The following VPS26B variants were observed in gnomAD, a reference collection of about 807,000 sequenced individuals.
VPS26B encodes the protein VPS26 retromer complex component B.
Under a neutral mutation model 33.3 loss-of-function variants are expected in VPS26B, and 10 were observed. The ratio of observed to expected loss-of-function variants is 0.30; its 90% CI spans 0.19 to 0.51. The LOEUF (loss-of-function observed/expected upper bound fraction) is 0.51, where lower values mean the gene tolerates loss of function less well. VPS26B is among the 20% of genes least tolerant of loss of function. VPS26B has a pLI of 0.98. For synonymous variants in VPS26B, 190 were observed against 176.9 expected, an observed-to-expected ratio of 1.07 and a Z score of -0.59; for missense variants, 317 against 452.7, an observed-to-expected ratio of 0.70 and a Z score of 2.72.
At chr11:134,232,874 C>T (rs1938575658) in intron 1 of VPS26B, among the ~76,000 whole-genome samples, 1 of 152,176 alleles carries the variant, frequency 6.6e-6, no homozygotes, top group South Asian at 2.1e-4. Flanking sequence ...CCAACACCAT[C>T]GACCAGGACT....
rs1938848944 is a variant in VPS26B, at chr11:134,247,296, G to A, written c.*1706G>A. 1 of 152,150 alleles carries A rather than the reference G, an allele frequency of 6.6e-6. No homozygotes were observed. The highest frequency in any genetic ancestry group is 2.4e-5 in the African/African-American group (1 of 41,426). 9.4% of individuals were successfully genotyped at this position (152,150 alleles called of 1,614,324 possible). A position where few individuals can be genotyped will look rare whatever the true frequency, so the allele number is the denominator to read the frequency against. On this transcript the variant is annotated 3_prime_UTR_variant, in exon 6 of 6. Coordinates refer to ENST00000281187, the MANE Select transcript of VPS26B (RefSeq NM_052875.5). ...AAGTGGATAAGGGAGGCAAGTTCTG[G>A]GTTCCTTGCCTTTTCAGAGCATGAG...
chr11:134,240,068 G>A lies in VPS26B; in HGVS notation c.458G>A (p.Ser153Asn), dbSNP rs1450485246. 1 of 1,614,224 alleles carries A rather than the reference G, an allele frequency of 6.2e-7. No homozygotes were observed. The highest frequency in any genetic ancestry group is 1.7e-5 in the Admixed American group (1 of 60,036). Residue 153 changes from serine to asparagine, a missense_variant, in exon 3 of 6, where the codon AGC becomes AAC. By Grantham distance (46) the Ser-to-Asn change is conservative. Transcript: ENST00000281187. The surrounding 1 kb of genome is among the most constrained non-coding windows in gnomAD (Gnocchi z 4.4). Reference sequence around the variant, plus strand: ...ATGGACATTGTAGTTCACACACTCAGCACATACCCAGAGCTGAACTCTTCC... The same window carrying A: ...ATGGACATTGTAGTTCACACACTCAACACATACCCAGAGCTGAACTCTTCC... The part of the protein sequence containing the change: ...KEMDIVVHTL[S>N]TYPELNSSIK...
At chr11:134,239,890 C>T (rs1591882232) in intron 2 of VPS26B, 101 bp from the exon 3 acceptor site, 2 of 1,361,810 alleles carry the variant, frequency 1.5e-6, no homozygotes, top group African/African-American at 1.4e-5. Context: ...GGGTTAAGAA[C>T]CTTTGTACAG....
At position 134,245,640 on chromosome 11, in the gene VPS26B, C is replaced by T; in HGVS notation, c.*50C>T. On this transcript the variant is annotated 3_prime_UTR_variant, in exon 6 of 6. Transcript: ENST00000281187. This position sits in a 1 kb window ranked among gnomAD's most constrained non-coding sequence, Gnocchi z 4.7. ...GGCACCCACCCAGCACCCCCATCTA[C>T]CAACACCAGCGGCTGGGGGCGGGGG... 1.3e-6 allele frequency: 2 copies of T among 1,551,092 alleles called. No individual in the cohort carries two copies. Among genetic ancestry groups the T allele is most frequent in the Non-Finnish European group, 1.7e-6 (2 of 1,149,044 alleles).
chr11:134,243,341 G>A, intron 4 of VPS26B, 47 bp downstream of exon 4: 1 of 1,605,160 alleles, frequency 6.2e-7, no homozygotes, highest in Non-Finnish European at 8.5e-7. Context: ...TTTCTCCCAT[G>A]TCCTGCACAG....
chr11:134,237,628 C>T (rs926765793), intron 2 of VPS26B, among the ~76,000 whole-genome samples: 3 of 152,164 alleles, frequency 2.0e-5, no homozygotes, highest in African/African-American at 7.2e-5. Context: ...CCAGGACCCA[C>T]CAGGGCATGG....
chr11:134,237,024 G>A (rs191476967), intron 2 of VPS26B, among the ~76,000 whole-genome samples: 96 of 152,326 alleles, frequency 6.3e-4, no homozygotes, highest in Admixed American at 1.4e-3. Flanking sequence ...GAAGACTTTA[G>A]GATTCATGTT....
intron 2 of VPS26B, among the ~76,000 whole-genome samples, chr11:134,237,300 T>C (rs751022113): frequency 6.6e-6 from 1 of 152,042 alleles, no homozygotes; most frequent in Admixed American, 6.6e-5. Flanking sequence ...GTGGCTGTAA[T>C]GGGAACAAAG....
intron 2 of VPS26B, among the ~76,000 whole-genome samples, chr11:134,239,376 A>G (rs929294585): frequency 1.3e-5 from 2 of 152,178 alleles, no homozygotes; most frequent in African/African-American, 4.8e-5. Flanking sequence ...TGAGCTTCCC[A>G]TGAGACTGTA....
Position 134,224,995 on chromosome 11 carries a change from A to T in VPS26B, c.-128A>T. 1.3e-6 allele frequency: 1 copy of T among 765,296 alleles called. No individual in the cohort carries two copies. The highest frequency in any genetic ancestry group is 1.8e-5 in the African/African-American group (1 of 54,270). The allele number at this position is 765,296 out of a possible 1,614,324, so 47.4% of individuals were successfully genotyped here. A position where few individuals can be genotyped will look rare whatever the true frequency, so the allele number is the denominator to read the frequency against. On this transcript the variant is annotated 5_prime_UTR_variant, in exon 1 of 6. Transcript: ENST00000281187. ...GCCCACTGCCCGGCGGCAGCGGCGGAGCCAGGCAGCCCCGCGGCGGCCGAG... is the reference window on the plus strand; with the variant it reads ...GCCCACTGCCCGGCGGCAGCGGCGGTGCCAGGCAGCCCCGCGGCGGCCGAG...
At chr11:134,235,909 C>T (rs2136049466) in intron 2 of VPS26B, among the ~76,000 whole-genome samples, 1 of 152,304 alleles carries the variant, frequency 6.6e-6, no homozygotes, top group East Asian at 1.9e-4. Context: ...CACCTGATTC[C>T]AGGTCTTGAT....
rs1938781195 is a variant in VPS26B at position 134,244,545 on chromosome 11, A to G, written c.722-393A>G. 6.0e-6 allele frequency: 1 copy of G among 167,412 alleles called. No homozygotes were observed. The highest frequency in any genetic ancestry group is 1.3e-5 in the Non-Finnish European group (1 of 78,296). The allele number at this position is 167,412 out of a possible 1,614,324, so 10.4% of individuals were successfully genotyped here. ...AGAGGGAGGATGTATTTTGGGGGGC[A>G]TACACTGAGGATGGAGAAAGATGGC... On this transcript the variant is annotated intron_variant, in intron 4 of 5. Transcript: ENST00000281187. The surrounding 1 kb of genome is among the most constrained non-coding windows in gnomAD (Gnocchi z 4.0).
In VPS26B at chr11:134,242,331, A is replaced by G. The variant is rs146847415; in HGVS notation, c.546-788A>G. Reference sequence around the variant, plus strand: ...CCACCTTTCTCTACCCCCTACTCACATCCTGGTTATCCAAGAGAACATTAT... The same window carrying G: ...CCACCTTTCTCTACCCCCTACTCACGTCCTGGTTATCCAAGAGAACATTAT... On this transcript the variant is annotated intron_variant, in intron 3 of 5. Coordinates refer to ENST00000281187, the MANE Select transcript of VPS26B (RefSeq NM_052875.5). Among the ~76,000 whole-genome samples the G allele has an allele frequency of 2.7e-3, 407 of 152,280 alleles. 6 individuals are homozygous for G. Among genetic ancestry groups the G allele is most frequent in the Admixed American group, 0.026 (391 of 15,294 alleles).
chr11:134,245,707 A>G lies in VPS26B; in HGVS notation c.*117A>G. On this transcript the variant is annotated 3_prime_UTR_variant, in exon 6 of 6. Transcript: ENST00000281187. The surrounding 1 kb of genome is among the most constrained non-coding windows in gnomAD (Gnocchi z 4.7). ...CAGTTGACCCGTTACTTGCAACCTG[A>G]AAACAAATCATGTTTTTGACTTAAA... 7.7e-7 allele frequency: 1 copy of G among 1,301,616 alleles called. No individual in the cohort carries two copies. The highest frequency in any genetic ancestry group is 2.7e-5 in the Admixed American group (1 of 36,470). 80.6% of individuals were successfully genotyped at this position (1,301,616 alleles called of 1,614,324 possible).
rs1327092251 is a variant in VPS26B at position 134,246,444 on chromosome 11, C to G, written c.*854C>G. ...AAGCCCTTAACAAGAGGGCCTGGTT[C>G]CCTGAAGAACCAATCCCAGGAAGGG... On this transcript the variant is annotated 3_prime_UTR_variant, in exon 6 of 6. Coordinates refer to ENST00000281187, the MANE Select transcript of VPS26B (RefSeq NM_052875.5). 2.0e-5 allele frequency: 3 copies of G among 152,168 alleles called. No homozygotes were observed. In the East Asian group the frequency reaches 5.8e-4, roughly 30 times the overall value. 9.4% of individuals were successfully genotyped at this position (152,168 alleles called of 1,614,324 possible).
intron 2 of VPS26B, among the ~76,000 whole-genome samples, chr11:134,237,814 A>G (rs1413813055): frequency 6.6e-6 from 1 of 152,166 alleles, no homozygotes; most frequent in Non-Finnish European, 1.5e-5. Flanking sequence ...GTGGAGACAG[A>G]AGCAAGGGGT....
Position 134,240,443 on chromosome 11 carries a change from G to T in VPS26B, c.545+288G>T, listed in dbSNP as rs879609500. Among the ~76,000 whole-genome samples the T allele has an allele frequency of 1.3e-5, 2 of 152,184 alleles. No individual in the cohort carries two copies. Among genetic ancestry groups the T allele is most frequent in the Admixed American group, 6.5e-5 (1 of 15,276 alleles). On this transcript the variant is annotated intron_variant, in intron 3 of 5. Transcript: ENST00000281187. The surrounding 1 kb of genome is among the most constrained non-coding windows in gnomAD (Gnocchi z 4.4). ...CTCAGTCAAGCTAAACTAACTTGAG[G>T]TTATTTGTTTTGGAATTCCAGCTTC...
chr11:134,239,387 T>C (rs1280772216), intron 2 of VPS26B, among the ~76,000 whole-genome samples: 1 of 152,206 alleles, frequency 6.6e-6, no homozygotes, highest in East Asian at 1.9e-4. Flanking sequence ...TGAGACTGTA[T>C]CTTATTCATC....
At chr11:134,243,972 TGGTGCTTCCA>T (rs1379618054) in intron 4 of VPS26B, 4 of 152,262 alleles carry the variant, frequency 2.6e-5, no homozygotes, top group Non-Finnish European at 5.9e-5. Flanking sequence ...TTGAAGTGCA[TGGTGCTTCCA>T]GGGTTTTATT....
Sources: gnomAD v4.1 joint callset for allele counts (sites outside exome capture counted in the v4.1 genomes callset) on GRCh38, gnomAD v4.1.1 for gene constraint, Gnocchi (gnomAD v3.1) non-coding constraint, MANE v1.5 for transcripts, NCBI Gene and HGNC (gene_info 2026-07-23, HGNC 2026-07-21) for gene names.